KIRREL3: variants seen among roughly 807,000 people sequenced by gnomAD.
The protein encoded by KIRREL3 is kin of IRRE-like protein 3.
In KIRREL3, 36 loss-of-function variants were observed where a neutral mutation model predicts 89.7. That is an observed-to-expected ratio of 0.40 (90% CI 0.31 to 0.53). KIRREL3 has a LOEUF of 0.53. Ranked by LOEUF, KIRREL3 falls within the 20% of genes least tolerant of loss-of-function variation. KIRREL3 has a pLI of 0.49. For missense variants in KIRREL3, 864 were observed against 1,056.6 expected, an observed-to-expected ratio of 0.82 and a Z score of 2.53; for synonymous variants, 445 against 441.4, an observed-to-expected ratio of 1.01 and a Z score of -0.10.
intron 1 of KIRREL3, among the ~76,000 whole-genome samples, chr11:126,888,195 A>G (rs1235139316): frequency 6.6e-6 from 1 of 152,184 alleles, no homozygotes; most frequent in Non-Finnish European, 1.5e-5. Context: ...GATTGCCAGG[A>G]AGCTTGGGAG....
rs1956468197 is a variant in KIRREL3 at position 126,459,158 on chromosome 11, G to A, written c.743-2704C>T. Among the ~76,000 whole-genome samples the A allele has an allele frequency of 6.6e-6, 1 of 152,178 alleles. No individual in the cohort carries two copies. Among genetic ancestry groups the A allele is most frequent in the Non-Finnish European group, 1.5e-5 (1 of 68,036 alleles). On this transcript the variant is annotated intron_variant, in intron 6 of 16. Transcript: ENST00000525144. This position sits in a 1 kb window ranked among gnomAD's most constrained non-coding sequence, Gnocchi z 4.8. Reference sequence around the variant, plus strand: ...GTACCCACCCCAAGTCTGGTTTGAGGAGGTGAGTGCCAGTCCCATAGGCTC... The same window carrying A: ...GTACCCACCCCAAGTCTGGTTTGAGAAGGTGAGTGCCAGTCCCATAGGCTC...
chr11:126,859,269 T>C (rs1038377788), intron 1 of KIRREL3, among the ~76,000 whole-genome samples: 6 of 152,216 alleles, frequency 3.9e-5, no homozygotes, highest in African/African-American at 1.4e-4. Flanking sequence ...TTAGCTTCTT[T>C]AATTCTCACG....
chr11:126,659,865 A>G (rs570499823), intron 1 of KIRREL3, among the ~76,000 whole-genome samples: 1 of 152,380 alleles, frequency 6.6e-6, no homozygotes, highest in African/African-American at 2.4e-5. Flanking sequence ...TTTGAGAAGC[A>G]TACTACTAAG....
intron 1 of KIRREL3, among the ~76,000 whole-genome samples, chr11:126,784,454 T>G (rs1950421130): frequency 6.6e-6 from 1 of 152,224 alleles, no homozygotes; most frequent in Non-Finnish European, 1.5e-5. Flanking sequence ...AGCCTCATGT[T>G]AGGGTACATG....
rs1288287898 is a variant in KIRREL3 at position 126,697,717 on chromosome 11, C to T, written c.56-134805G>A. Among the ~76,000 whole-genome samples, 1 of 152,222 alleles carries T rather than the reference C, an allele frequency of 6.6e-6. No individual in the cohort carries two copies. Among genetic ancestry groups the T allele is most frequent in the Non-Finnish European group, 1.5e-5 (1 of 68,040 alleles). On this transcript the variant is annotated intron_variant, in intron 1 of 16. Transcript: ENST00000525144. The surrounding 1 kb of genome is among the most constrained non-coding windows in gnomAD (Gnocchi z 4.2). ...CTAAATGCTCATTCAGCCTCACTTGCCGGGGACTCAGCTTCTCCCGGGGCC... is the reference window on the plus strand; with the variant it reads ...CTAAATGCTCATTCAGCCTCACTTGTCGGGGACTCAGCTTCTCCCGGGGCC...
In KIRREL3 at chr11:126,812,705, T is replaced by C. The variant is rs1325640119; in HGVS notation, c.55+187750A>G. On this transcript the variant is annotated intron_variant, in intron 1 of 16. Transcript: ENST00000525144. This position sits in a 1 kb window ranked among gnomAD's most constrained non-coding sequence, Gnocchi z 5.2. Reference sequence around the variant, plus strand: ...GCACCACACTGGGCGTCAGGGTCCTTTTGTTGGGATGAGTGGCTCTGTCAC... The same window carrying C: ...GCACCACACTGGGCGTCAGGGTCCTCTTGTTGGGATGAGTGGCTCTGTCAC... 6.6e-6 allele frequency among the ~76,000 whole-genome samples: 1 copy of C among 152,150 alleles called. No individual in the cohort carries two copies. The highest frequency in any genetic ancestry group is 1.9e-4 in the East Asian group (1 of 5,198).
intron 1 of KIRREL3, among the ~76,000 whole-genome samples, chr11:126,888,861 C>A (rs1046151961): frequency 3.3e-5 from 5 of 152,090 alleles, no homozygotes; most frequent in African/African-American, 1.2e-4. Context: ...GTATACACAC[C>A]TGGATTGCTG....
At position 126,627,199 on chromosome 11, in the gene KIRREL3, C is replaced by T. The variant is rs560061837; in HGVS notation, c.56-64287G>A. On this transcript the variant is annotated intron_variant, in intron 1 of 16. Transcript: ENST00000525144. This position sits in a 1 kb window ranked among gnomAD's most constrained non-coding sequence, Gnocchi z 5.0. Reference sequence around the variant, plus strand: ...GAGGTGGAGGTGAGAGAATTTCAGACTGAGGAACTGAAAGAGCCAGGGCAC... The same window carrying T: ...GAGGTGGAGGTGAGAGAATTTCAGATTGAGGAACTGAAAGAGCCAGGGCAC... Among the ~76,000 whole-genome samples the T allele has an allele frequency of 6.6e-6, 1 of 152,048 alleles. No homozygotes were observed. Among genetic ancestry groups the T allele is most frequent in the Non-Finnish European group, 1.5e-5 (1 of 68,006 alleles).
At position 126,605,551 on chromosome 11, in the gene KIRREL3, TAGG is replaced by T. The variant is rs2134766179; in HGVS notation, c.56-42642_56-42640del. Among the ~76,000 whole-genome samples, 1 of 152,294 alleles carries T rather than the reference TAGG, an allele frequency of 6.6e-6. No homozygotes were observed. The highest frequency in any genetic ancestry group is 2.1e-4 in the South Asian group (1 of 4,826). On this transcript the variant is annotated intron_variant, in intron 1 of 16. Transcript: ENST00000525144. This position sits in a 1 kb window ranked among gnomAD's most constrained non-coding sequence, Gnocchi z 5.7. ...CACTTAGCAGCTTGGCGCACGCAAATAGGAGCTCTGCTCACAGCCTGTGCTGGG... is the reference window on the plus strand; with the variant it reads ...CACTTAGCAGCTTGGCGCACGCAAATAGCTCTGCTCACAGCCTGTGCTGGG...
Position 126,764,221 on chromosome 11 carries a change from T to A in KIRREL3, c.56-201309A>T, listed in dbSNP as rs1008096727. On this transcript the variant is annotated intron_variant, in intron 1 of 16. Coordinates refer to ENST00000525144, the MANE Select transcript of KIRREL3 (RefSeq NM_032531.4). The surrounding 1 kb of genome is among the most constrained non-coding windows in gnomAD (Gnocchi z 4.2). Reference sequence around the variant, plus strand: ...TAACTCAGTTTTTCCTGGAAAGGCATCAGACAGCAGGTCGCTCTGGTCAAT... The same window carrying A: ...TAACTCAGTTTTTCCTGGAAAGGCAACAGACAGCAGGTCGCTCTGGTCAAT... 6.6e-6 allele frequency among the ~76,000 whole-genome samples: 1 copy of A among 152,202 alleles called. No homozygotes were observed. Among genetic ancestry groups the A allele is most frequent in the Non-Finnish European group, 1.5e-5 (1 of 68,034 alleles).
chr11:126,995,106 G>A lies in KIRREL3; in HGVS notation c.55+5349C>T, dbSNP rs891615463. The A allele has an allele frequency of 9.1e-6, 4 of 439,604 alleles. No individual in the cohort carries two copies. The highest frequency in any genetic ancestry group is 8.1e-5 in the African/African-American group (4 of 49,604). 27.2% of individuals were successfully genotyped at this position (439,604 alleles called of 1,614,324 possible). A position where few individuals can be genotyped will look rare whatever the true frequency, so the allele number is the denominator to read the frequency against. Reference sequence around the variant, plus strand: ...ATGAAGCGATTACAACCTGGGCGCAGTATACTGGCTGGCTTTGCTGCTCAC... The same window carrying A: ...ATGAAGCGATTACAACCTGGGCGCAATATACTGGCTGGCTTTGCTGCTCAC... On this transcript the variant is annotated intron_variant, in intron 1 of 16. Transcript: ENST00000525144. The surrounding 1 kb of genome is among the most constrained non-coding windows in gnomAD (Gnocchi z 6.5).
At chr11:126,938,986 C>G (rs1209860902) in intron 1 of KIRREL3, among the ~76,000 whole-genome samples, 6 of 152,120 alleles carry the variant, frequency 3.9e-5, no homozygotes, top group African/African-American at 1.4e-4. Context: ...TAGGTACCTG[C>G]CAGGGAAAAA....
At chr11:126,751,610 C>A (rs1417109668) in intron 1 of KIRREL3, among the ~76,000 whole-genome samples, 1 of 151,546 alleles carries the variant, frequency 6.6e-6, no homozygotes, top group East Asian at 1.9e-4. Flanking sequence ...AAAGGCTGCA[C>A]AAGTAATCAT....
chr11:126,941,434 C>T (rs1315275687), intron 1 of KIRREL3, among the ~76,000 whole-genome samples: 1 of 152,160 alleles, frequency 6.6e-6, no homozygotes, highest in Non-Finnish European at 1.5e-5. Flanking sequence ...TGAGTCCTAA[C>T]CCAGACTCAT....
chr11:126,806,344 GGGGCCCT>G (rs1369408141), intron 1 of KIRREL3, among the ~76,000 whole-genome samples: 1 of 152,128 alleles, frequency 6.6e-6, no homozygotes, highest in Non-Finnish European at 1.5e-5. Flanking sequence ...TAATAGCCTT[GGGGCCCT>G]GGGCTAGCAG....
intron 1 of KIRREL3, among the ~76,000 whole-genome samples, chr11:126,567,561 G>C (rs1940604112): frequency 6.6e-6 from 1 of 152,194 alleles, no homozygotes; most frequent in Non-Finnish European, 1.5e-5. Context: ...CACTGGCCAT[G>C]GTTCTCTGGA....
At chr11:126,801,217 A>G (rs997604856) in intron 1 of KIRREL3, among the ~76,000 whole-genome samples, 5 of 152,222 alleles carry the variant, frequency 3.3e-5, no homozygotes, top group Non-Finnish European at 5.9e-5. Context: ...TCTTAAATAC[A>G]CTAGCTCTCT....
At position 126,843,474 on chromosome 11, in the gene KIRREL3, T is replaced by C. The variant is rs555340414; in HGVS notation, c.55+156981A>G. On this transcript the variant is annotated intron_variant, in intron 1 of 16. Transcript: ENST00000525144. This position sits in a 1 kb window ranked among gnomAD's most constrained non-coding sequence, Gnocchi z 4.6. ...TCCATTCCCAAAGTCCTGCTTTCAA[T>C]TGTGATCTGCCCAGTCTCGTCCCAC... Among the ~76,000 whole-genome samples, 9 of 152,246 alleles carry C rather than the reference T, an allele frequency of 5.9e-5. No homozygotes were observed. The highest frequency in any genetic ancestry group is 1.9e-4 in the East Asian group (1 of 5,174).
intron 1 of KIRREL3, among the ~76,000 whole-genome samples, chr11:126,925,758 A>G (rs1244948584): frequency 6.6e-6 from 1 of 152,174 alleles, no homozygotes; most frequent in Non-Finnish European, 1.5e-5. Context: ...CTCTCTGGCC[A>G]CAGGTGCCAG....
Sources: gnomAD v4.1 joint callset for allele counts (sites outside exome capture counted in the v4.1 genomes callset) on GRCh38, gnomAD v4.1.1 for gene constraint, Gnocchi (gnomAD v3.1) non-coding constraint, MANE v1.5 for transcripts, NCBI Gene and HGNC (gene_info 2026-07-23, HGNC 2026-07-21) for gene names.